Variants in HSD17B2 observed in about 807,000 individuals in gnomAD.
The protein encoded by HSD17B2 is hydroxysteroid 17-beta dehydrogenase 2.
In HSD17B2, 32 loss-of-function variants were observed where a neutral mutation model predicts 26.9. The ratio of observed to expected loss-of-function variants is 1.19; its 90% CI spans 0.90 to 1.60. The LOEUF is 1.60. Ranked by LOEUF, HSD17B2 falls within the 40% of genes most tolerant of loss-of-function variation. The pLI, the probability that HSD17B2 is intolerant of heterozygous loss-of-function variation, is 0.00. For missense variants in HSD17B2, 613 were observed against 468.6 expected (o/e 1.31, Z -2.85); for synonymous variants, 246 against 186.7 (o/e 1.32, Z -2.59).
intron 3 of HSD17B2, among the ~76,000 whole-genome samples, chr16:82,078,602 A>G (rs1904316517): frequency 6.6e-6 from 1 of 152,240 alleles, no homozygotes; most frequent in African/African-American, 2.4e-5. Flanking sequence ...TATAGCCAAG[A>G]TTTGGAAGTA....
At chr16:82,097,957 A>T (rs114112945) in intron 4 of HSD17B2, 118 bp from the exon 5 acceptor site, 13,039 of 929,248 alleles carry the variant, frequency 0.014, 133 homozygotes, top group African/African-American at 0.026. Context: ...AAAAAATAAA[A>T]AAATAAATAA....
chr16:82,049,379 G>C (rs924677607), intron 1 of HSD17B2, among the ~76,000 whole-genome samples: 2 of 152,192 alleles, frequency 1.3e-5, no homozygotes, highest in African/African-American at 4.8e-5. Context: ...CTTTCTCCTA[G>C]ATGACGGGTC....
At chr16:82,078,440 T>G (rs530376643) in intron 3 of HSD17B2, among the ~76,000 whole-genome samples, 2 of 152,188 alleles carry the variant, frequency 1.3e-5, no homozygotes, top group African/African-American at 4.8e-5. Context: ...TTCATGGGGA[T>G]GTAAATTAGT....
intron 1 of HSD17B2, among the ~76,000 whole-genome samples, chr16:82,060,950 C>T (rs781546136): frequency 1.7e-4 from 26 of 151,952 alleles, no homozygotes; most frequent in Non-Finnish European, 4.4e-5. Context: ...AGTGTAGTGT[C>T]GGTTTTTTAA....
At chr16:82,037,085 A>G (rs760913510) in intron 1 of HSD17B2, among the ~76,000 whole-genome samples, 1 of 152,220 alleles carries the variant, frequency 6.6e-6, no homozygotes, top group African/African-American at 2.4e-5. Context: ...GTGAGCCCAC[A>G]TCAGCCACTG....
chr16:82,040,630 T>C (rs1307701979), intron 1 of HSD17B2, among the ~76,000 whole-genome samples: 1 of 152,214 alleles, frequency 6.6e-6, no homozygotes, highest in Non-Finnish European at 1.5e-5. Context: ...ACATCTGTTA[T>C]GTGCCCATGA....
chr16:82,095,584 A>G lies in HSD17B2; in HGVS notation c.803-2491A>G, dbSNP rs1904816964. The G allele has an allele frequency of 2.6e-5, 4 of 152,396 alleles. 1 individual carries two copies. The South Asian group carries it at 8.3e-4, about 32-fold the overall frequency. The allele number at this position is 152,396 out of a possible 1,614,324, so 9.4% of individuals were successfully genotyped here. On this transcript the variant is annotated intron_variant, in intron 4 of 4. Transcript: ENST00000199936. ...GGCTGTACTTTGAGGACTCTTGCCT[A>G]CAGAAATAAAGCCAAAGTAAAAACG...
intron 3 of HSD17B2, among the ~76,000 whole-genome samples, chr16:82,074,047 A>G (rs532740290): frequency 3.0e-4 from 45 of 152,250 alleles, no homozygotes; most frequent in Non-Finnish European, 5.4e-4. Flanking sequence ...AAATAAAACA[A>G]TACACCTACA....
chr16:82,089,132 C>T lies in HSD17B2; in HGVS notation c.665-1770C>T, dbSNP rs374446201. Among the ~76,000 whole-genome samples the T allele has an allele frequency of 3.3e-5, 5 of 152,258 alleles. No individual in the cohort carries two copies. In the East Asian group the frequency reaches 7.7e-4, roughly 23 times the overall value. ...ATGGGGGTGGGCACAATGTTCATAGCACCCCCACCCTTCAGGTAACCACTG... is the reference window on the plus strand; with the variant it reads ...ATGGGGGTGGGCACAATGTTCATAGTACCCCCACCCTTCAGGTAACCACTG... On this transcript the variant is annotated intron_variant, in intron 3 of 4. Coordinates refer to ENST00000199936, the MANE Select transcript of HSD17B2 (RefSeq NM_002153.3).
At chr16:82,090,323 T>G (rs1904651906) in intron 3 of HSD17B2, 3 of 341,308 alleles carry the variant, frequency 8.8e-6, no homozygotes, top group Non-Finnish European at 7.9e-6. Context: ...TTTTTTTTTT[T>G]TTTTTTTTTT....
At chr16:82,096,012 G>A (rs1183009076) in intron 4 of HSD17B2, 1 of 152,126 alleles carries the variant, frequency 6.6e-6, no homozygotes, top group Non-Finnish European at 1.5e-5. Context: ...TGAGGAGGCA[G>A]AGCTGCTACA....
intron 1 of HSD17B2, among the ~76,000 whole-genome samples, chr16:82,050,711 G>A (rs1321204127): frequency 6.6e-6 from 1 of 152,088 alleles, no homozygotes; most frequent in Non-Finnish European, 1.5e-5. Flanking sequence ...TTTTCACCGG[G>A]AATGCTTTTT....
chr16:82,045,895 A>G (rs1913911735), intron 1 of HSD17B2, among the ~76,000 whole-genome samples: 1 of 152,168 alleles, frequency 6.6e-6, no homozygotes, highest in Non-Finnish European at 1.5e-5. Flanking sequence ...CAGTCCTGAT[A>G]ATTTACCCTG....
rs923139217 is a variant in HSD17B2 at position 82,098,072 on chromosome 16, C to T, written c.803-3C>T. On this transcript the variant is annotated splice_region_variant and splice_polypyrimidine_tract_variant and intron_variant, in intron 4 of 4. Coordinates refer to ENST00000199936, the MANE Select transcript of HSD17B2 (RefSeq NM_002153.3). ...CTGACTCTTCCCTTTCCTTTCACCC[C>T]AGATATCGCAGGCACCAGTGACAAG... is the stretch of plus-strand genomic sequence containing the variant. The T allele has an allele frequency of 6.2e-7, 1 of 1,606,244 alleles. No homozygotes were observed. Among genetic ancestry groups the T allele is most frequent in the Non-Finnish European group, 8.5e-7 (1 of 1,175,432 alleles).
Position 82,068,358 on chromosome 16 carries a change from G to C in HSD17B2, c.454G>C (p.Val152Leu), listed in dbSNP as rs370225052. Reference protein sequence around the residue: ...PVQIKDAYSKVAAMLQDRGLW... With the variant: ...PVQIKDAYSKLAAMLQDRGLW... ...GCAGATAAAAGATGCTTACAGCAAGGTTGCAGCAATGCTGCAGGACAGAGG... is the reference window on the plus strand; with the variant it reads ...GCAGATAAAAGATGCTTACAGCAAGCTTGCAGCAATGCTGCAGGACAGAGG... The change falls in exon 2 of 5, where the codon GTT (valine) becomes CTT (leucine). Residue 152 changes from valine (V) to leucine (L), a missense_variant. Transcript: ENST00000199936. 3.1e-6 allele frequency: 5 copies of C among 1,613,048 alleles called. No individual in the cohort carries two copies. Among genetic ancestry groups the C allele is most frequent in the African/African-American group, 2.7e-5 (2 of 74,924 alleles).
intron 1 of HSD17B2, among the ~76,000 whole-genome samples, chr16:82,067,450 G>A (rs550144712): frequency 1.2e-4 from 19 of 152,256 alleles, no homozygotes; most frequent in Non-Finnish European, 2.2e-4. Context: ...TACCCTCTTG[G>A]CTGGGTTGGG....
intron 1 of HSD17B2, among the ~76,000 whole-genome samples, chr16:82,062,162 C>G (rs948161443): frequency 6.6e-6 from 1 of 152,194 alleles, no homozygotes; most frequent in African/African-American, 2.4e-5. Context: ...CATTATTTCC[C>G]TTTTGCACAT....
At chr16:82,081,029 C>T (rs1379098014) in intron 3 of HSD17B2, among the ~76,000 whole-genome samples, 1 of 151,996 alleles carries the variant, frequency 6.6e-6, no homozygotes, top group African/African-American at 2.4e-5. Context: ...TCCTTTCTGG[C>T]TCCCAAATCT....
chr16:82,097,250 ATGTC>A (rs1904869567), intron 4 of HSD17B2: 1 of 121,390 alleles, frequency 8.2e-6, no homozygotes, highest in African/African-American at 2.8e-5. Context: ...GTCTATGTCT[ATGTC>A]TATGTCTATG....
Sources: gnomAD v4.1 joint callset for allele counts (sites outside exome capture counted in the v4.1 genomes callset) on GRCh38, gnomAD v4.1.1 for gene constraint, MANE v1.5 for transcripts, NCBI Gene and HGNC (gene_info 2026-07-23, HGNC 2026-07-21) for gene names.